The following FRK variants were observed in gnomAD, a reference collection of about 807,000 sequenced individuals.
The protein encoded by FRK is tyrosine-protein kinase FRK.
In FRK, 51 loss-of-function variants were observed where a neutral mutation model predicts 56.4. The ratio of observed to expected loss-of-function variants is 0.90; its 90% CI spans 0.72 to 1.14. The LOEUF (loss-of-function observed/expected upper bound fraction) is 1.14, where lower values mean the gene tolerates loss of function less well. Among genes scored for constraint, FRK ranks in the 50% most tolerant of loss-of-function variants. The pLI is 0.00. For synonymous variants in FRK, 245 were observed against 217.9 expected, an observed-to-expected ratio of 1.12 and a Z score of -1.10; for missense variants, 570 against 601.4, an observed-to-expected ratio of 0.95 and a Z score of 0.55.
At chr6:115,945,171 C>T (rs1488988147) in intron 5 of FRK, among the ~76,000 whole-genome samples, 1 of 152,120 alleles carries the variant, frequency 6.6e-6, no homozygotes, top group African/African-American at 2.4e-5. Flanking sequence ...CTGCAAGAAA[C>T]ATACATGTGC....
At chr6:115,998,341 CT>C (rs1774922042) in intron 2 of FRK, among the ~76,000 whole-genome samples, 1 of 152,166 alleles carries the variant, frequency 6.6e-6, no homozygotes, top group African/African-American at 2.4e-5. Flanking sequence ...TAAAACTTTG[CT>C]CTGTAGAACA....
In FRK at chr6:115,937,823, A is replaced by G. The variant is rs1772079791; in HGVS notation, c.*4591T>C. ...CCAATACAGAAGCACCCAGATTCAT[A>G]AAGCAAGTTCTTAGAGAACTACAAA... is the stretch of plus-strand genomic sequence containing the variant. On this transcript the variant is annotated 3_prime_UTR_variant, in exon 8 of 8. Transcript: ENST00000606080. 6.6e-6 allele frequency: 1 copy of G among 152,236 alleles called. No individual in the cohort carries two copies. The highest frequency in any genetic ancestry group is 1.5e-5 in the Non-Finnish European group (1 of 68,046). 9.4% of individuals were successfully genotyped at this position (152,236 alleles called of 1,614,324 possible).
intron 1 of FRK, 63 bp downstream of exon 1, chr6:116,059,905 A>T (rs1777551623): frequency 7.3e-7 from 1 of 1,376,658 alleles, no homozygotes; most frequent in African/African-American, 1.4e-5. Flanking sequence ...AGAAGTAGAA[A>T]GGAAAACTCA....
rs1772129414 is a variant in FRK, at chr6:115,940,069, AC to A, written c.*2344del. ...AAAGTTATAGGCATCATGCTACCTGACTTCAAACTATACTACAAGGCTACAG... is the reference window on the plus strand; with the variant it reads ...AAAGTTATAGGCATCATGCTACCTGATTCAAACTATACTACAAGGCTACAG... On this transcript the variant is annotated 3_prime_UTR_variant, in exon 8 of 8. Coordinates refer to ENST00000606080, the MANE Select transcript of FRK (RefSeq NM_002031.3). The A allele has an allele frequency of 6.6e-6, 1 of 152,232 alleles. No individual in the cohort carries two copies. The highest frequency in any genetic ancestry group is 1.5e-5 in the Non-Finnish European group (1 of 68,048). 9.4% of individuals were successfully genotyped at this position (152,232 alleles called of 1,614,324 possible). A position where few individuals can be genotyped will look rare whatever the true frequency, so the allele number is the denominator to read the frequency against.
At chr6:116,028,658 TC>T (rs1484663968) in intron 1 of FRK, among the ~76,000 whole-genome samples, 1 of 152,110 alleles carries the variant, frequency 6.6e-6, no homozygotes, top group Non-Finnish European at 1.5e-5. Context: ...ATAGCATTCT[TC>T]CTGTGTGTAT....
chr6:115,975,230 A>G lies in FRK; in HGVS notation c.467-6491T>C, dbSNP rs577389129. On this transcript the variant is annotated intron_variant, in intron 2 of 7. Coordinates refer to ENST00000606080, the MANE Select transcript of FRK (RefSeq NM_002031.3). Reference sequence around the variant, plus strand: ...TATCTAATTTCTTGATTTTTAAAATATAATGCAGAATTTTTTTTTCATCTC... The same window carrying G: ...TATCTAATTTCTTGATTTTTAAAATGTAATGCAGAATTTTTTTTTCATCTC... Among the ~76,000 whole-genome samples, 122 of 152,302 alleles carry G rather than the reference A, an allele frequency of 8.0e-4. No individual in the cohort carries two copies. In the South Asian group the frequency reaches 0.015, roughly 18 times the overall value.
intron 1 of FRK, among the ~76,000 whole-genome samples, chr6:116,013,469 G>A (rs1308877713): frequency 6.6e-6 from 1 of 152,094 alleles, no homozygotes; most frequent in Non-Finnish European, 1.5e-5. Context: ...CATCTGCTTT[G>A]ATTTTGTACA....
At chr6:116,017,512 G>T (rs540737056) in intron 1 of FRK, among the ~76,000 whole-genome samples, 1 of 152,286 alleles carries the variant, frequency 6.6e-6, no homozygotes, top group Admixed American at 6.5e-5. Context: ...TCAGGAGACT[G>T]CCTGATTTGC....
chr6:116,085,351 A>G, the FRK span, among the ~76,000 whole-genome samples: 1 of 152,314 alleles, frequency 6.6e-6, no homozygotes, highest in East Asian at 1.9e-4. Context: ...GGGAATAATA[A>G]TGATGATAAA....
intron 2 of FRK, among the ~76,000 whole-genome samples, chr6:116,003,181 A>G (rs2114693455): frequency 6.6e-6 from 1 of 152,358 alleles, no homozygotes; most frequent in East Asian, 1.9e-4. Context: ...GACAACACAG[A>G]GAACAGAACG....
At chr6:116,021,708 T>A (rs1373687367) in intron 1 of FRK, among the ~76,000 whole-genome samples, 1 of 152,164 alleles carries the variant, frequency 6.6e-6, no homozygotes, top group Non-Finnish European at 1.5e-5. Flanking sequence ...ATAAATTTTC[T>A]TAGCATGCCC....
intron 1 of FRK, among the ~76,000 whole-genome samples, chr6:116,008,596 T>C (rs1290817501): frequency 6.6e-6 from 1 of 152,242 alleles, no homozygotes; most frequent in Non-Finnish European, 1.5e-5. Context: ...TAGCTTGTTC[T>C]ACCCTTTGCA....
intron 5 of FRK, among the ~76,000 whole-genome samples, chr6:115,950,845 AG>A (rs1381683549): frequency 8.5e-5 from 13 of 152,218 alleles, no homozygotes; most frequent in African/African-American, 3.1e-4. Flanking sequence ...AGCCATAAAA[AG>A]GAATGAGTTC....
intron 4 of FRK, among the ~76,000 whole-genome samples, chr6:115,966,850 T>C (rs1057126210): frequency 6.6e-6 from 1 of 152,194 alleles, no homozygotes; most frequent in Admixed American, 6.5e-5. Flanking sequence ...CCAGGCACTA[T>C]ACAAAGCATG....
At position 115,936,764 on chromosome 6, in the gene FRK, C is replaced by A. The variant is rs1401207726; in HGVS notation, c.*5650G>T. The A allele has an allele frequency of 1.3e-5, 2 of 151,862 alleles. No individual in the cohort carries two copies. The highest frequency in any genetic ancestry group is 2.9e-5 in the Non-Finnish European group (2 of 67,970). 9.4% of individuals were successfully genotyped at this position (151,862 alleles called of 1,614,324 possible). A position where few individuals can be genotyped will look rare whatever the true frequency, so the allele number is the denominator to read the frequency against. ...CAACTTAATGAAATAAAGGAGAAGA[C>A]AAGATTAGAGAAAAAAGAGTGAAAA... On this transcript the variant is annotated 3_prime_UTR_variant, in exon 8 of 8. Coordinates refer to ENST00000606080, the MANE Select transcript of FRK (RefSeq NM_002031.3).
rs1283465039 is a variant in FRK, at chr6:116,059,973, T to G, written c.339A>C (p.Ala113=). The change falls in exon 1 of 8, where the codon GCA becomes GCC. Residue 113 remains alanine (A), a synonymous_variant. Coordinates refer to ENST00000606080, the MANE Select transcript of FRK (RefSeq NM_002031.3). The part of the protein sequence containing the change: ...NYVAEDRSLQ[A]EPWFFGAIGR... ...TATAAGTTTGTACTACTCACGGCTC[T>G]GCCTGTAGGCTTCTGTCCTCAGCCA... is the stretch of plus-strand genomic sequence containing the variant. The G allele has an allele frequency of 6.2e-7, 1 of 1,613,450 alleles. No homozygotes were observed. The highest frequency in any genetic ancestry group is 1.3e-5 in the African/African-American group (1 of 75,022).
At chr6:116,015,069 C>T (rs1775602188) in intron 1 of FRK, among the ~76,000 whole-genome samples, 1 of 152,150 alleles carries the variant, frequency 6.6e-6, no homozygotes, top group Non-Finnish European at 1.5e-5. Flanking sequence ...CACAACCTAC[C>T]ACCTTGAAAA....
the FRK span, among the ~76,000 whole-genome samples, chr6:116,080,092 T>C: frequency 3.3e-5 from 5 of 152,340 alleles, no homozygotes; most frequent in East Asian, 3.9e-4. Flanking sequence ...AAAAGTATAA[T>C]GCAACGATAG....
At position 115,991,962 on chromosome 6, in the gene FRK, G is replaced by C. The variant is rs147044977; in HGVS notation, c.466+11915C>G. Among the ~76,000 whole-genome samples, 1,259 of 151,208 alleles carry C rather than the reference G, an allele frequency of 8.3e-3. 16 individuals carry two copies. Among genetic ancestry groups the C allele is most frequent in the African/African-American group, 0.029 (1,180 of 41,360 alleles). ...TGATTCAGTTTCAGTATTCATTATT[G>C]GTCTATTTTGGGAATTTTATTTCCC... On this transcript the variant is annotated intron_variant, in intron 2 of 7. Transcript: ENST00000606080.
Sources: allele counts gnomAD v4.1 joint callset (sites outside exome capture counted in the v4.1 genomes callset), GRCh38; gene constraint gnomAD v4.1.1; transcripts MANE v1.5; gene names NCBI Gene and HGNC (gene_info 2026-07-23, HGNC 2026-07-21).